SMG7: variants seen among roughly 807,000 people sequenced by gnomAD.
SMG7 encodes SMG7 nonsense mediated mRNA decay factor, also known as nonsense-mediated mRNA decay factor SMG7.
SMG7 carries 34 observed loss-of-function variants against 148.2 expected under a neutral mutation model. The ratio of observed to expected loss-of-function variants is 0.23; its 90% CI spans 0.17 to 0.31. SMG7 has a LOEUF of 0.31. Among genes scored for constraint, SMG7 ranks in the 10% least tolerant of loss-of-function variants. SMG7 has a pLI of 1.00. For synonymous variants in SMG7, 492 were observed against 515.1 expected, an observed-to-expected ratio of 0.96 and a Z score of 0.61; for missense variants, 1,114 against 1,408.4, an observed-to-expected ratio of 0.79 and a Z score of 3.35.
intron 1 of SMG7, among the ~76,000 whole-genome samples, chr1:183,509,753 T>C (rs1661724195): frequency 6.6e-6 from 1 of 152,224 alleles, no homozygotes; most frequent in African/African-American, 2.4e-5. Context: ...CAAAATATTT[T>C]AACTTTTATG....
At chr1:183,537,326 T>G in intron 11 of SMG7, 111 bp downstream of exon 11, 1 of 776,594 alleles carries the variant, frequency 1.3e-6, no homozygotes, top group Non-Finnish European at 2.2e-6. Flanking sequence ...TTAAATTCAG[T>G]ATCTCAGAAG....
intron 1 of SMG7, among the ~76,000 whole-genome samples, chr1:183,481,390 A>T (rs768164450): frequency 1.8e-4 from 27 of 151,978 alleles, no homozygotes; most frequent in Non-Finnish European, 2.9e-4. Flanking sequence ...ACTTTGTAGC[A>T]TTTCCTGTAT....
chr1:183,523,021 G>GT (rs1665098938), intron 4 of SMG7, among the ~76,000 whole-genome samples: 1 of 152,036 alleles, frequency 6.6e-6, no homozygotes, highest in South Asian at 2.1e-4. Context: ...TTGTTAACCA[G>GT]TTAAAGCATG....
intron 8 of SMG7, among the ~76,000 whole-genome samples, chr1:183,532,103 C>T (rs748458230): frequency 6.6e-6 from 1 of 152,140 alleles, no homozygotes; most frequent in Non-Finnish European, 1.5e-5. Flanking sequence ...CTCTTAGAAT[C>T]GTAGAGCTTA....
At chr1:183,494,808 C>T (rs1658055929) in intron 1 of SMG7, among the ~76,000 whole-genome samples, 1 of 125,492 alleles carries the variant, frequency 8.0e-6, no homozygotes, top group African/African-American at 3.1e-5. Context: ...GCTCTGTTGC[C>T]CAGGCTGGAG....
chr1:183,550,074 G>GA (rs373616685), intron 20 of SMG7, 151 bp downstream of exon 20: 23,818 of 415,620 alleles, frequency 0.057, no homozygotes, highest in Middle Eastern at 0.083. Flanking sequence ...AAAGGAAATA[G>GA]AAAAAAAAAA....
intron 1 of SMG7, among the ~76,000 whole-genome samples, chr1:183,486,727 C>G (rs1252240692): frequency 2.0e-5 from 3 of 151,862 alleles, no homozygotes; most frequent in Admixed American, 6.6e-5. Flanking sequence ...TTTTCTGAGA[C>G]AGGGTCTCAC....
rs781373970 is a variant in SMG7, at chr1:183,538,430, CCTT to C, written c.1289_1291del (p.Ser430del). On this transcript the variant is annotated inframe_deletion, in exon 12 of 23. Coordinates refer to ENST00000688051, the MANE Select transcript of SMG7 (RefSeq NM_001375584.1). ...ATTACAAGGATTTTTGGCATTGAGA[CCTT>C]CTTTCAGGTAGGTGATAGCTGAAGT... is the stretch of plus-strand genomic sequence containing the variant. The C allele has an allele frequency of 4.3e-6, 7 of 1,609,536 alleles. 1 individual carries two copies. In the South Asian group the frequency reaches 7.7e-5, roughly 18 times the overall value.
At chr1:183,549,655 C>T in intron 19 of SMG7, 109 bp from the exon 20 acceptor site, 1 of 829,170 alleles carries the variant, frequency 1.2e-6, no homozygotes, top group Non-Finnish European at 1.9e-6. Context: ...CAAAATTTCT[C>T]TTCCTAAGAA....
intron 13 of SMG7, 67 bp downstream of exon 13, chr1:183,541,170 G>A (rs527804120): frequency 3.2e-5 from 44 of 1,356,542 alleles, no homozygotes; most frequent in African/African-American, 2.3e-4. Context: ...GCGCGCACAC[G>A]CGCGCGCACA....
intron 10 of SMG7, among the ~76,000 whole-genome samples, chr1:183,535,675 G>A (rs1354670550): frequency 6.6e-6 from 1 of 151,962 alleles, no homozygotes; most frequent in Non-Finnish European, 1.5e-5. Flanking sequence ...ACTTTCCCTT[G>A]TACTTTTTTG....
At position 183,521,757 on chromosome 1, in the gene SMG7, C is replaced by T. The variant is rs991693748; in HGVS notation, c.312+3937C>T. On this transcript the variant is annotated intron_variant, in intron 4 of 22. Transcript: ENST00000688051. Reference sequence around the variant, plus strand: ...GCGCACACCTGTAGTACCAGCTACTCTAGGAAGCTGAGGCAGGAGGATCAC... The same window carrying T: ...GCGCACACCTGTAGTACCAGCTACTTTAGGAAGCTGAGGCAGGAGGATCAC... Among the ~76,000 whole-genome samples, 9 of 150,526 alleles carry T rather than the reference C, an allele frequency of 6.0e-5. No individual in the cohort carries two copies. In the East Asian group the frequency reaches 1.8e-3, roughly 29 times the overall value.
At chr1:183,531,239 C>T (rs1223276309) in intron 8 of SMG7, among the ~76,000 whole-genome samples, 2 of 152,120 alleles carry the variant, frequency 1.3e-5, no homozygotes, top group Non-Finnish European at 2.9e-5. Context: ...CCTTTAGCTA[C>T]TAAGCAGAAA....
chr1:183,491,963 C>T (rs1401596449), intron 1 of SMG7, among the ~76,000 whole-genome samples: 1 of 152,188 alleles, frequency 6.6e-6, no homozygotes, highest in African/African-American at 2.4e-5. Context: ...GTACCTAATT[C>T]TCTCCAGCCC....
intron 1 of SMG7, among the ~76,000 whole-genome samples, chr1:183,486,034 C>T (rs989681850): frequency 1.3e-5 from 2 of 152,176 alleles, no homozygotes; most frequent in African/African-American, 4.8e-5. Context: ...CTTTACATTG[C>T]TCTTGAAAAT....
chr1:183,527,854 A>G lies in SMG7; in HGVS notation c.485-102A>G, dbSNP rs74129810. 4.2e-3 allele frequency: 3,057 copies of G among 735,512 alleles called. 73 individuals are homozygous for G. In the African/African-American group the frequency reaches 0.048, roughly 12 times the overall value. The allele number at this position is 735,512 out of a possible 1,614,324, so 45.6% of individuals were successfully genotyped here. A position where few individuals can be genotyped will look rare whatever the true frequency, so the allele number is the denominator to read the frequency against. On this transcript the variant is annotated intron_variant, in intron 5 of 22. Transcript: ENST00000688051. The surrounding 1 kb of genome is among the most constrained non-coding windows in gnomAD (Gnocchi z 4.0). ...TTGTCTTTAATTTTAAATTAACTTT[A>G]ATGTCTTTATTATCTTTAGAACTTA...
chr1:183,527,492 A>G lies in SMG7; in HGVS notation c.485-464A>G, dbSNP rs1666084155. 2.5e-6 allele frequency: 1 copy of G among 395,112 alleles called. No homozygotes were observed. Among genetic ancestry groups the G allele is most frequent in the Non-Finnish European group, 5.3e-6 (1 of 189,694 alleles). The allele number at this position is 395,112 out of a possible 1,614,324, so 24.5% of individuals were successfully genotyped here. A position where few individuals can be genotyped will look rare whatever the true frequency, so the allele number is the denominator to read the frequency against. On this transcript the variant is annotated intron_variant, in intron 5 of 22. Coordinates refer to ENST00000688051, the MANE Select transcript of SMG7 (RefSeq NM_001375584.1). This position sits in a 1 kb window ranked among gnomAD's most constrained non-coding sequence, Gnocchi z 4.0. ...GTGTTTAGGTTGTTTTGCTTTAAATATAATCTTTGCACACACATATTTAAT... is the reference window on the plus strand; with the variant it reads ...GTGTTTAGGTTGTTTTGCTTTAAATGTAATCTTTGCACACACATATTTAAT...
Position 183,549,752 on chromosome 1 carries a change from C to T in SMG7, c.2974-12C>T, listed in dbSNP as rs1232908018. 6.2e-7 allele frequency: 1 copy of T among 1,610,522 alleles called. No homozygotes were observed. The highest frequency in any genetic ancestry group is 1.7e-5 in the Admixed American group (1 of 59,998). Reference sequence around the variant, plus strand: ...TGGGGTGAGTTTATAACTTCACTGTCATGTCTTTCAGGAAAGATACCCAAA... The same window carrying T: ...TGGGGTGAGTTTATAACTTCACTGTTATGTCTTTCAGGAAAGATACCCAAA... On this transcript the variant is annotated splice_polypyrimidine_tract_variant and intron_variant, in intron 19 of 22. Coordinates refer to ENST00000688051, the MANE Select transcript of SMG7 (RefSeq NM_001375584.1).
At chr1:183,538,613 T>TC (rs977810564) in intron 12 of SMG7, among the ~76,000 whole-genome samples, 173 bp downstream of exon 12, 1 of 152,194 alleles carries the variant, frequency 6.6e-6, no homozygotes, top group African/African-American at 2.4e-5. Context: ...TGTCACGCCT[T>TC]CAATTCCTGT....
Sources: gnomAD v4.1 joint callset for allele counts (sites outside exome capture counted in the v4.1 genomes callset) on GRCh38, gnomAD v4.1.1 for gene constraint, Gnocchi (gnomAD v3.1) non-coding constraint, MANE v1.5 for transcripts, NCBI Gene and HGNC (gene_info 2026-07-23, HGNC 2026-07-21) for gene names.